Variants in RBBP8 observed in about 807,000 individuals in gnomAD.
The protein encoded by RBBP8 is DNA endonuclease RBBP8.
In RBBP8, 88 loss-of-function variants were observed where a neutral mutation model predicts 108.3. The ratio of observed to expected loss-of-function variants is 0.81; its 90% CI spans 0.68 to 0.97. RBBP8 has a LOEUF of 0.97. RBBP8 is among the 50% of genes least tolerant of loss of function. The pLI is 0.00. For missense variants in RBBP8, 1,023 were observed against 1,049.0 expected, an observed-to-expected ratio of 0.98 and a Z score of 0.34; for synonymous variants, 332 against 348.2, an observed-to-expected ratio of 0.95 and a Z score of 0.52.
At chr18:22,959,411 G>C (rs1421404752) in intron 4 of RBBP8, among the ~76,000 whole-genome samples, 5 of 152,086 alleles carry the variant, frequency 3.3e-5, no homozygotes, top group Non-Finnish European at 1.5e-5. Flanking sequence ...CAACCTTCGT[G>C]ATGCTCTGTG....
At chr18:22,916,309 A>G (rs1909353031) in intron 2 of RBBP8, among the ~76,000 whole-genome samples, 1 of 152,060 alleles carries the variant, frequency 6.6e-6, no homozygotes, top group African/African-American at 2.4e-5. Flanking sequence ...AGCACTTAGA[A>G]TTATGTCATT....
At chr18:23,023,805 T>C (rs1047623460) in intron 18 of RBBP8, among the ~76,000 whole-genome samples, 5 of 151,960 alleles carry the variant, frequency 3.3e-5, no homozygotes, top group African/African-American at 4.8e-5. Flanking sequence ...AGACCCTTTG[T>C]TGTGAAAGTA....
At chr18:22,979,613 A>G (rs1200870908) in intron 6 of RBBP8, among the ~76,000 whole-genome samples, 1 of 152,234 alleles carries the variant, frequency 6.6e-6, no homozygotes, top group Non-Finnish European at 1.5e-5. Context: ...TGTAAAGCCT[A>G]AATGTCTGAC....
chr18:22,990,813 T>C, intron 9 of RBBP8, 124 bp from the exon 10 acceptor site: 1 of 693,794 alleles, frequency 1.4e-6, no homozygotes, highest in Non-Finnish European at 2.5e-6. Flanking sequence ...TTATGTGGCC[T>C]TTGTCTGGCT....
chr18:22,985,041 T>C (rs1915224885), intron 8 of RBBP8, 51 bp downstream of exon 8: 3 of 1,605,830 alleles, frequency 1.9e-6, no homozygotes, highest in Non-Finnish European at 2.6e-6. Context: ...TGGTTATTGG[T>C]GGGTAACAGT....
At chr18:22,914,226 G>A (rs1909268806) in exon 1 of RBBP8, 1 of 152,198 alleles carries the variant, frequency 6.6e-6, no homozygotes, top group African/African-American at 2.4e-5. Context: ...TAATGTTTAA[G>A]TTGATAGATT....
At chr18:22,947,287 T>A (rs1002383499) in intron 3 of RBBP8, among the ~76,000 whole-genome samples, 4 of 152,108 alleles carry the variant, frequency 2.6e-5, no homozygotes, top group African/African-American at 7.2e-5. Context: ...TCACAAAGTT[T>A]CTTTGTAGAG....
chr18:23,022,697 A>G (rs2046392959), intron 18 of RBBP8, among the ~76,000 whole-genome samples: 1 of 149,576 alleles, frequency 6.7e-6, no homozygotes, highest in East Asian at 1.9e-4. Context: ...AAATGTGAAC[A>G]TGCACCTTTT....
At chr18:22,930,207 AG>A (rs1909970520), upstream of RBBP8, among the ~76,000 whole-genome samples, 1 of 152,186 alleles carries the variant, frequency 6.6e-6, no homozygotes, top group South Asian at 2.1e-4. Context: ...CTATTTCACT[AG>A]TTTATTTAAA....
chr18:22,942,080 G>A (rs1216219600), intron 2 of RBBP8, among the ~76,000 whole-genome samples: 1 of 151,978 alleles, frequency 6.6e-6, no homozygotes, highest in Non-Finnish European at 1.5e-5. Flanking sequence ...TAAGGAGGTG[G>A]GGAATCCATT....
Position 23,003,261 on chromosome 18 carries a change from T to C in RBBP8, c.2287+1532T>C, listed in dbSNP as rs2045977982. On this transcript the variant is annotated intron_variant, in intron 15 of 18. Coordinates refer to ENST00000327155, the MANE Select transcript of RBBP8 (RefSeq NM_002894.3). ...GTACTGTGAGATACTTTTGCGTCTC[T>C]TCAGCTTAAACGTAATGTCTAAGCC... Among the ~76,000 whole-genome samples, 3 of 152,264 alleles carry C rather than the reference T, an allele frequency of 2.0e-5. No individual in the cohort carries two copies. In the South Asian group the frequency reaches 6.2e-4, roughly 31 times the overall value.
intron 7 of RBBP8, among the ~76,000 whole-genome samples, chr18:22,984,562 T>C (rs1369193771): frequency 6.6e-6 from 1 of 152,158 alleles, no homozygotes; most frequent in African/African-American, 2.4e-5. Context: ...GTATACCTTT[T>C]TAAATTAACC....
In RBBP8 at chr18:22,968,808, T is replaced by C. The variant is rs758898829; in HGVS notation, c.251T>C (p.Leu84Ser). 2 of 1,612,624 alleles carry C rather than the reference T, an allele frequency of 1.2e-6. No individual in the cohort carries two copies. Among genetic ancestry groups the C allele is most frequent in the Non-Finnish European group, 1.7e-6 (2 of 1,178,860 alleles). The change falls in exon 5 of 19, where the codon TTA (leucine) becomes TCA (serine). Residue 84 changes from leucine (L) to serine (S), a missense_variant and splice_region_variant. Leu to Ser is a moderately radical substitution (Grantham distance 145, BLOSUM62 -2). Transcript: ENST00000327155. ...HETIKVLEDR[L>S]RAGLCDRCAV... ...AAATACCTTGTTTTGTTTCATAGGT[T>C]AAGAGCAGGCTTATGTGATCGCTGT...
At chr18:23,013,123 T>C (rs897281949) in intron 16 of RBBP8, among the ~76,000 whole-genome samples, 3 of 152,206 alleles carry the variant, frequency 2.0e-5, no homozygotes, top group Admixed American at 6.5e-5. Flanking sequence ...ACAGTTGTTT[T>C]TTCTTTTTTT....
chr18:22,971,167 C>G (rs1394835043), intron 5 of RBBP8, among the ~76,000 whole-genome samples: 1 of 149,822 alleles, frequency 6.7e-6, no homozygotes, highest in Non-Finnish European at 1.5e-5. Context: ...AAAAAAGCTT[C>G]TTTGAACACC....
chr18:23,008,055 AC>A (rs2046089222), intron 16 of RBBP8, among the ~76,000 whole-genome samples: 1 of 151,792 alleles, frequency 6.6e-6, no homozygotes, highest in Non-Finnish European at 1.5e-5. Context: ...CTCGTGATCC[AC>A]CCGCCTCGGC....
chr18:22,920,031 A>C (rs2144333630), intron 3 of RBBP8, among the ~76,000 whole-genome samples: 1 of 152,288 alleles, frequency 6.6e-6, no homozygotes, highest in East Asian at 1.9e-4. Context: ...ATATGTTTTT[A>C]AAATGTTCTG....
At chr18:23,006,478 T>C in intron 16 of RBBP8, 46 bp downstream of exon 16, 1 of 1,400,038 alleles carries the variant, frequency 7.1e-7, no homozygotes, top group Non-Finnish European at 1.0e-6. Context: ...GGAAGTACAA[T>C]AGAGCTGTCT....
intron 4 of RBBP8, among the ~76,000 whole-genome samples, chr18:22,957,354 G>A (rs1303335996): frequency 2.2e-5 from 3 of 133,728 alleles, no homozygotes; most frequent in East Asian, 4.7e-4. Flanking sequence ...TAAAGAAATG[G>A]CATTACCTTC....
Sources: gnomAD v4.1 joint callset for allele counts (sites outside exome capture counted in the v4.1 genomes callset) on GRCh38, gnomAD v4.1.1 for gene constraint, MANE v1.5 for transcripts, NCBI Gene and HGNC (gene_info 2026-07-23, HGNC 2026-07-21) for gene names.